ZBBX: variants seen among roughly 807,000 people sequenced by gnomAD.
The protein encoded by ZBBX is zinc finger B-box domain-containing protein 1.
A neutral mutation model predicts 108.5 loss-of-function variants in ZBBX; 101 were observed. The observed-to-expected ratio is 0.93, with a 90% CI of 0.79 to 1.10. The LOEUF is 1.10. ZBBX is among the 50% of genes least tolerant of loss of function. ZBBX has a pLI of 0.00. For missense variants in ZBBX, 1,009 were observed against 941.4 expected, an observed-to-expected ratio of 1.07 and a Z score of -0.94; for synonymous variants, 356 against 323.4, an observed-to-expected ratio of 1.10 and a Z score of -1.08.
chr3:167,333,539 T>C (rs1739025840), intron 10 of ZBBX, among the ~76,000 whole-genome samples: 1 of 152,150 alleles, frequency 6.6e-6, no homozygotes, highest in African/African-American at 2.4e-5. Context: ...TTTAAAAAAA[T>C]GTTTTCCCCA....
intron 9 of ZBBX, among the ~76,000 whole-genome samples, chr3:167,347,563 T>C (rs1741692583): frequency 6.6e-6 from 1 of 152,084 alleles, no homozygotes; most frequent in African/African-American, 2.4e-5. Context: ...ATTTTTGTTT[T>C]ATGAATAAAG....
At chr3:167,182,706 G>A in the ZBBX span, among the ~76,000 whole-genome samples, 3 of 152,194 alleles carry the variant, frequency 2.0e-5, no homozygotes, top group Non-Finnish European at 4.4e-5. Context: ...TTTAATAACT[G>A]AGCAGGAGTC....
chr3:167,243,676 G>C (rs906857077), intron 20 of ZBBX, among the ~76,000 whole-genome samples: 3 of 150,168 alleles, frequency 2.0e-5, no homozygotes, highest in Admixed American at 6.6e-5. Context: ...ACTTTTATGA[G>C]AGGACCAAAT....
chr3:167,284,577 G>A (rs191907607), intron 19 of ZBBX, among the ~76,000 whole-genome samples: 1 of 152,234 alleles, frequency 6.6e-6, no homozygotes, highest in African/African-American at 2.4e-5. Context: ...TTAATATAAT[G>A]TAGATGCCCT....
Position 167,360,665 on chromosome 3 carries a change from A to C in ZBBX, c.322+10T>G, listed in dbSNP as rs1188803851. The C allele has an allele frequency of 2.2e-6, 3 of 1,349,684 alleles. No individual in the cohort carries two copies. The highest frequency in any genetic ancestry group is 1.5e-5 in the African/African-American group (1 of 66,002). 83.6% of individuals were successfully genotyped at this position (1,349,684 alleles called of 1,614,324 possible). A position where few individuals can be genotyped will look rare whatever the true frequency, so the allele number is the denominator to read the frequency against. On this transcript the variant is annotated intron_variant, in intron 7 of 21. Coordinates refer to ENST00000675490, the MANE Select transcript of ZBBX (RefSeq NM_001199201.2). ...TTTAGCATTTATTAACATGGTGATA[A>C]ATTATTTACCTTGAATCTGTTCCTT...
At chr3:167,390,730 G>T (rs2108636747) in intron 1 of ZBBX, among the ~76,000 whole-genome samples, 1 of 152,064 alleles carries the variant, frequency 6.6e-6, no homozygotes, top group Non-Finnish European at 1.5e-5. Context: ...GTATTCCTAG[G>T]TATTTTATTT....
the ZBBX span, among the ~76,000 whole-genome samples, chr3:167,213,395 T>C: frequency 6.6e-6 from 1 of 152,028 alleles, no homozygotes; most frequent in African/African-American, 2.4e-5. Flanking sequence ...AATTTCACAA[T>C]GCAATCACAA....
chr3:167,279,078 T>G (rs1354448215), intron 20 of ZBBX, among the ~76,000 whole-genome samples: 2 of 150,594 alleles, frequency 1.3e-5, no homozygotes, highest in African/African-American at 4.9e-5. Context: ...TCTCAATAAA[T>G]TAGGCATTGA....
chr3:167,195,202 G>A, the ZBBX span, among the ~76,000 whole-genome samples: 2 of 152,144 alleles, frequency 1.3e-5, no homozygotes, highest in Admixed American at 1.3e-4. Flanking sequence ...GCAAAGACCT[G>A]GCTGGGATGG....
At chr3:167,328,438 T>A (rs1405758721) in intron 10 of ZBBX, among the ~76,000 whole-genome samples, 2 of 152,016 alleles carry the variant, frequency 1.3e-5, no homozygotes, top group African/African-American at 4.8e-5. Context: ...CCATTCTCCC[T>A]ACGCCTCCAA....
At chr3:167,406,606 A>G (rs779845078) in intron 1 of ZBBX, among the ~76,000 whole-genome samples, 83 of 152,324 alleles carry the variant, frequency 5.4e-4, no homozygotes, top group Admixed American at 1.2e-3. Context: ...CAAATAAATA[A>G]ATAGATAAAA....
chr3:167,268,178 C>T (rs1417834668), intron 20 of ZBBX, among the ~76,000 whole-genome samples: 1 of 152,068 alleles, frequency 6.6e-6, no homozygotes, highest in Non-Finnish European at 1.5e-5. Flanking sequence ...AAGTGCTCCC[C>T]TAACTAGTTC....
intron 6 of ZBBX, among the ~76,000 whole-genome samples, chr3:167,361,210 T>C (rs1207590430): frequency 1.3e-5 from 2 of 152,090 alleles, no homozygotes; most frequent in Non-Finnish European, 2.9e-5. Flanking sequence ...CATCACAGAC[T>C]TATCCTTCAA....
At chr3:167,295,851 A>C (rs1357098794) in intron 18 of ZBBX, among the ~76,000 whole-genome samples, 1 of 149,418 alleles carries the variant, frequency 6.7e-6, no homozygotes. Flanking sequence ...GAGTTCTATC[A>C]CACATTTGAA....
intron 4 of ZBBX, among the ~76,000 whole-genome samples, chr3:167,369,094 C>T (rs1246193590): frequency 6.6e-6 from 1 of 151,998 alleles, no homozygotes; most frequent in Non-Finnish European, 1.5e-5. Flanking sequence ...AGAATAAAGC[C>T]CCTATTAACA....
At chr3:167,296,413 A>T (rs760219737) in intron 18 of ZBBX, among the ~76,000 whole-genome samples, 14 of 152,050 alleles carry the variant, frequency 9.2e-5, no homozygotes, top group Non-Finnish European at 1.6e-4. Context: ...AATAAAAGAC[A>T]TTTGAATTAG....
chr3:167,310,351 G>A (rs573133224), intron 16 of ZBBX, among the ~76,000 whole-genome samples: 3 of 152,148 alleles, frequency 2.0e-5, no homozygotes, highest in South Asian at 2.1e-4. Flanking sequence ...GCCTGTTACC[G>A]AGTTCTAAAG....
chr3:167,231,918 T>C, the ZBBX span, among the ~76,000 whole-genome samples: 2 of 151,832 alleles, frequency 1.3e-5, no homozygotes, highest in Non-Finnish European at 2.9e-5. Flanking sequence ...TAGAATGAAA[T>C]AGAATAATTT....
chr3:167,378,450 A>T (rs1029069875), intron 2 of ZBBX, among the ~76,000 whole-genome samples: 1 of 152,226 alleles, frequency 6.6e-6, no homozygotes, highest in Non-Finnish European at 1.5e-5. Flanking sequence ...GACTAAATTC[A>T]CTGGATTTAA....
Sources: allele counts gnomAD v4.1 joint callset (sites outside exome capture counted in the v4.1 genomes callset), GRCh38; gene constraint gnomAD v4.1.1; transcripts MANE v1.5; gene names NCBI Gene and HGNC (gene_info 2026-07-23, HGNC 2026-07-21).